The following IFIT1B variants were observed in gnomAD, a reference collection of about 807,000 sequenced individuals.
The protein encoded by IFIT1B is protein IFIT1 homolog B.
In IFIT1B, 3 loss-of-function variants were observed where a neutral mutation model predicts 2.5. That is an observed-to-expected ratio of 1.21 (90% CI 0.55 to 3.14). IFIT1B has a LOEUF of 3.14. IFIT1B is among the 30% of genes most tolerant of loss of function. The pLI is 0.03. For missense variants in IFIT1B, 545 were observed against 556.5 expected, an observed-to-expected ratio of 0.98 and a Z score of 0.21; for synonymous variants, 196 against 203.0, an observed-to-expected ratio of 0.97 and a Z score of 0.29.
chr10:89,384,553 T>G lies in IFIT1B; in HGVS notation c.1240T>G (p.Ser414Ala), dbSNP rs756763025. ...KGLKIEKMSH[S>A]REKLLNALEK... ...TTTGAAAATAGAAAAAATGTCCCATTCCAGGGAAAAACTTCTCAATGCTTT... is the reference window on the plus strand; with the variant it reads ...TTTGAAAATAGAAAAAATGTCCCATGCCAGGGAAAAACTTCTCAATGCTTT... Residue 414 changes from serine to alanine, a missense_variant, in exon 2 of 2, where the codon TCC (serine) becomes GCC (alanine). Ser to Ala is a moderately conservative substitution (Grantham distance 99). Transcript: ENST00000371809. 3 of 1,614,012 alleles carry G rather than the reference T, an allele frequency of 1.9e-6. No homozygotes were observed. The highest frequency in any genetic ancestry group is 2.5e-6 in the Non-Finnish European group (3 of 1,180,008).
Position 89,383,514 on chromosome 10 carries a change from G to C in IFIT1B, c.201G>C (p.Gln67His). ...CCTATGTGAAACACCTGAAAGGCCAGAATGAGGAAGCCCTGGTCAGCTTGA... is the reference window on the plus strand; with the variant it reads ...CCTATGTGAAACACCTGAAAGGCCACAATGAGGAAGCCCTGGTCAGCTTGA... ...LLAYVKHLKGQNEEALVSLKK... is the reference protein window; with the variant it reads ...LLAYVKHLKGHNEEALVSLKK... Residue 67 changes from glutamine (Q) to histidine (H), a missense_variant, in exon 2 of 2, where the codon CAG (glutamine) becomes CAC (histidine). By Grantham distance (24) the Gln-to-His change is conservative (BLOSUM62 0). Coordinates refer to ENST00000371809, the MANE Select transcript of IFIT1B (RefSeq NM_001010987.2). The C allele has an allele frequency of 6.2e-7, 1 of 1,614,204 alleles. No homozygotes were observed. The highest frequency in any genetic ancestry group is 1.1e-5 in the South Asian group (1 of 91,086).
rs978618242 is a variant in IFIT1B, at chr10:89,383,505, G to A, written c.192G>A (p.Leu64=). The A allele has an allele frequency of 9.9e-6, 16 of 1,614,060 alleles. No homozygotes were observed. The Admixed American group carries it at 2.7e-4, about 27-fold the overall frequency. ...ACCTACTAGCCTATGTGAAACACCT[G>A]AAAGGCCAGAATGAGGAAGCCCTGG... ...IHNLLAYVKH[L]KGQNEEALVS... The change falls in exon 2 of 2, where the codon CTG becomes CTA. Residue 64 remains leucine, a synonymous_variant. Transcript: ENST00000371809.
At chr10:89,380,876 A>G (rs73369738) in intron 1 of IFIT1B, among the ~76,000 whole-genome samples, 5,160 of 152,274 alleles carry the variant, frequency 0.034, 301 homozygotes, top group African/African-American at 0.12. Flanking sequence ...TAGTCTTCCC[A>G]GGGCCCAAGT....
Position 89,379,086 on chromosome 10 carries a change from G to A in IFIT1B, c.5+946G>A, listed in dbSNP as rs58233640. Among the ~76,000 whole-genome samples, 1,379 of 152,270 alleles carry A rather than the reference G, an allele frequency of 9.1e-3. 21 individuals carry two copies. Among genetic ancestry groups the A allele is most frequent in the African/African-American group, 0.032 (1,325 of 41,544 alleles). ...TATTTGATAAATTGGTTAAATTCAC[G>A]TGGGAAAAAGAAGCTACTTTCAGAG... On this transcript the variant is annotated intron_variant, in intron 1 of 1. Transcript: ENST00000371809.
chr10:89,378,721 A>G (rs371285245), intron 1 of IFIT1B, among the ~76,000 whole-genome samples: 1 of 152,228 alleles, frequency 6.6e-6, no homozygotes, highest in East Asian at 1.9e-4. Context: ...GAATGTAGGA[A>G]AGTAGATTCA....
intron 1 of IFIT1B, among the ~76,000 whole-genome samples, chr10:89,380,435 CTTTT>C (rs58504474): frequency 7.1e-6 from 1 of 140,868 alleles, no homozygotes. Context: ...ACAAACTCAT[CTTTT>C]TTTTTTTTTT....
chr10:89,383,413 G>A lies in IFIT1B; in HGVS notation c.100G>A (p.Asp34Asn). Residue 34 changes from aspartate (D) to asparagine (N), a missense_variant, in exon 2 of 2, where the codon GAT becomes AAT. Transcript: ENST00000371809. Reference sequence around the variant, plus strand: ...GTTAATTGAAGCCCCTGAAATTCCTGATTTAGAAAACAGGATCTGGGAAGA... The same window carrying A: ...GTTAATTGAAGCCCCTGAAATTCCTAATTTAGAAAACAGGATCTGGGAAGA... Reference protein sequence around the residue: ...KLLIEAPEIPDLENRIWEEIQ... With the variant: ...KLLIEAPEIPNLENRIWEEIQ... The A allele has an allele frequency of 6.2e-7, 1 of 1,614,196 alleles. No individual in the cohort carries two copies. Among genetic ancestry groups the A allele is most frequent in the Non-Finnish European group, 8.5e-7 (1 of 1,180,044 alleles).
rs375673192 is a variant in IFIT1B at position 89,384,212 on chromosome 10, T to C, written c.899T>C (p.Ile300Thr). The C allele has an allele frequency of 6.8e-6, 11 of 1,613,870 alleles. No individual in the cohort carries two copies. Among genetic ancestry groups the C allele is most frequent in the East Asian group, 2.2e-5 (1 of 44,892 alleles). ...QMGLCYRAQM[I>T]QIKEATNWQP... ...GGGCTTTGCTACAGGGCACAAATGA[T>C]CCAAATCAAGGAAGCTACAAACTGG... Residue 300 changes from isoleucine to threonine, a missense_variant, in exon 2 of 2, where the codon ATC becomes ACC. Transcript: ENST00000371809.
At position 89,384,267 on chromosome 10, in the gene IFIT1B, G is replaced by A. The variant is rs750730425; in HGVS notation, c.954G>A (p.Val318=). 2.5e-6 allele frequency: 4 copies of A among 1,614,052 alleles called. No homozygotes were observed. In the South Asian group the frequency reaches 4.4e-5, roughly 18 times the overall value. ...WQPRGQDRET[V]DRLVQLAICK... is the part of the protein sequence containing the mutation. ...CTAGAGGGCAAGATAGGGAAACTGTGGACAGATTGGTTCAATTGGCTATAT... is the reference window on the plus strand; with the variant it reads ...CTAGAGGGCAAGATAGGGAAACTGTAGACAGATTGGTTCAATTGGCTATAT... The change falls in exon 2 of 2, where the codon GTG becomes GTA. Residue 318 remains valine (V), a synonymous_variant. Coordinates refer to ENST00000371809, the MANE Select transcript of IFIT1B (RefSeq NM_001010987.2).
In IFIT1B at chr10:89,378,172, T is replaced by C. The variant is rs199801405; in HGVS notation, c.5+32T>C. On this transcript the variant is annotated intron_variant, in intron 1 of 1. Transcript: ENST00000371809. The stretch of plus-strand genomic sequence containing the variant: ...TCTTTCTCTGCTTCACTGACCTTAT[T>C]TCTGCACACTTTGAAATTCTAAAAC... 5.9e-5 allele frequency: 95 copies of C among 1,612,234 alleles called. No homozygotes were observed. In the Middle Eastern group the frequency reaches 1.2e-3, roughly 20 times the overall value.
At chr10:89,379,662 A>G (rs1287413965) in intron 1 of IFIT1B, among the ~76,000 whole-genome samples, 1 of 152,174 alleles carries the variant, frequency 6.6e-6, no homozygotes, top group Non-Finnish European at 1.5e-5. Context: ...AGAAGAAATT[A>G]TAAATGAAGG....
At chr10:89,380,468 C>G (rs1844154854) in intron 1 of IFIT1B, among the ~76,000 whole-genome samples, 1 of 151,198 alleles carries the variant, frequency 6.6e-6, no homozygotes, top group South Asian at 2.1e-4. Flanking sequence ...CAGGGCCTCC[C>G]TCTGTCACCC....
intron 1 of IFIT1B, among the ~76,000 whole-genome samples, chr10:89,379,799 C>T (rs1301958444): frequency 2.6e-5 from 4 of 152,056 alleles, no homozygotes; most frequent in Non-Finnish European, 5.9e-5. Context: ...CTTTGGGAGG[C>T]CGAGATGGGC....
In IFIT1B at chr10:89,383,248, A is replaced by G. The variant is rs536280774; in HGVS notation, c.6-71A>G. 2.4e-5 allele frequency: 32 copies of G among 1,337,784 alleles called. 1 individual carries two copies. In the South Asian group the frequency reaches 4.3e-4, roughly 18 times the overall value. 82.9% of individuals were successfully genotyped at this position (1,337,784 alleles called of 1,614,324 possible). On this transcript the variant is annotated intron_variant, in intron 1 of 1. Transcript: ENST00000371809. ...AGGATAGAGCATATTTGACTATTTG[A>G]AGTGCTGGCTTCATTTTCAGTGGAC... is the stretch of plus-strand genomic sequence containing the variant.
intron 1 of IFIT1B, among the ~76,000 whole-genome samples, chr10:89,379,068 T>A (rs561785961): frequency 3.4e-4 from 52 of 152,250 alleles, no homozygotes; most frequent in Non-Finnish European, 2.9e-4. Context: ...TTTTATTTGA[T>A]AAATTGGTTA....
chr10:89,380,692 C>CA (rs1427998716), intron 1 of IFIT1B, among the ~76,000 whole-genome samples: 2 of 152,176 alleles, frequency 1.3e-5, no homozygotes, highest in Non-Finnish European at 2.9e-5. Context: ...CTTGGACTCT[C>CA]AAAGTGTTGG....
chr10:89,380,034 CAA>C (rs750085635), intron 1 of IFIT1B, among the ~76,000 whole-genome samples: 8 of 79,458 alleles, frequency 1.0e-4, no homozygotes, highest in Admixed American at 1.4e-4. Context: ...GACTCCGTCT[CAA>C]AAAAAAAAAA....
chr10:89,384,651 C>A lies in IFIT1B; in HGVS notation c.1338C>A (p.Ile446=). 1 of 1,614,176 alleles carries A rather than the reference C, an allele frequency of 6.2e-7. No homozygotes were observed. The highest frequency in any genetic ancestry group is 8.5e-7 in the Non-Finnish European group (1 of 1,180,034). The part of the protein sequence containing the change: ...VVESVSLLGL[I]HKLKGEVSDA... ...AAAGTGTCAGCCTCCTTGGGCTTAT[C>A]CACAAATTGAAAGGAGAAGTAAGTG... is the stretch of plus-strand genomic sequence containing the variant. The change falls in exon 2 of 2, where the codon ATC becomes ATA. Residue 446 remains isoleucine, a synonymous_variant. Coordinates refer to ENST00000371809, the MANE Select transcript of IFIT1B (RefSeq NM_001010987.2).
Position 89,383,596 on chromosome 10 carries a change from C to G in IFIT1B, c.283C>G (p.Leu95Val). The change falls in exon 2 of 2, where the codon CTG becomes GTG. Residue 95 changes from leucine (L) to valine (V), a missense_variant. Physicochemically the swap from Leu to Val is conservative, Grantham distance 32 (BLOSUM62 1). Transcript: ENST00000371809. Reference protein sequence around the residue: ...EHANQADIRSLVTWGNFAWVY... With the variant: ...EHANQADIRSVVTWGNFAWVY... Reference sequence around the variant, plus strand: ...TGCCAACCAAGCAGATATTAGAAGTCTGGTGACCTGGGGCAACTTTGCCTG... The same window carrying G: ...TGCCAACCAAGCAGATATTAGAAGTGTGGTGACCTGGGGCAACTTTGCCTG... 1 of 1,614,218 alleles carries G rather than the reference C, an allele frequency of 6.2e-7. No homozygotes were observed. Among genetic ancestry groups the G allele is most frequent in the Non-Finnish European group, 8.5e-7 (1 of 1,180,046 alleles).
Sources: allele counts gnomAD v4.1 joint callset (sites outside exome capture counted in the v4.1 genomes callset), GRCh38; gene constraint gnomAD v4.1.1; transcripts MANE v1.5; gene names NCBI Gene and HGNC (gene_info 2026-07-23, HGNC 2026-07-21).